CHEK2: variants seen among roughly 807,000 people sequenced by gnomAD.
CHEK2 encodes the protein checkpoint kinase 2.
In CHEK2, 71 loss-of-function variants were observed where a neutral mutation model predicts 69.1. The observed-to-expected ratio is 1.03, with a 90% CI of 0.85 to 1.25. The LOEUF is 1.25. Ranked by LOEUF, CHEK2 falls within the 50% of genes most tolerant of loss-of-function variation. The pLI is 0.00. For missense variants in CHEK2, 664 were observed against 649.6 expected, an observed-to-expected ratio of 1.02 and a Z score of -0.24; for synonymous variants, 189 against 226.9, an observed-to-expected ratio of 0.83 and a Z score of 1.50.
At chr22:28,727,275 T>C (rs954230967) in intron 2 of CHEK2, among the ~76,000 whole-genome samples, 2 of 152,170 alleles carry the variant, frequency 1.3e-5, no homozygotes, top group Non-Finnish European at 2.9e-5. Flanking sequence ...TCTCCTGAAC[T>C]TGTGATCCGC....
At chr22:28,689,013 C>T in intron 14 of CHEK2, 122 bp downstream of exon 14, 1 of 688,590 alleles carries the variant, frequency 1.5e-6, no homozygotes, top group Admixed American at 2.1e-5. Flanking sequence ...AGAGTTTCTA[C>T]TACATTATAA....
At chr22:28,740,884 G>T (rs2054534999) in intron 1 of CHEK2, among the ~76,000 whole-genome samples, 1 of 152,192 alleles carries the variant, frequency 6.6e-6, no homozygotes, top group Admixed American at 6.6e-5. Context: ...GGCCGGGCGC[G>T]GTGGCTCACA....
At chr22:28,698,111 G>A (rs2052662174) in intron 9 of CHEK2, among the ~76,000 whole-genome samples, 1 of 150,920 alleles carries the variant, frequency 6.6e-6, no homozygotes, top group Non-Finnish European at 1.5e-5. Context: ...AGGCTTGTGG[G>A]CGGGCACGGT....
chr22:28,704,161 CA>C (rs1178090086), intron 7 of CHEK2, among the ~76,000 whole-genome samples: 12 of 143,652 alleles, frequency 8.4e-5, no homozygotes, highest in South Asian at 6.8e-4. Context: ...CACACACACA[CA>C]CCTATGGCTG....
In CHEK2 at chr22:28,710,060, C is replaced by T. The variant is rs730881687; in HGVS notation, c.793-1G>A. 8 of 1,551,814 alleles carry T rather than the reference C, an allele frequency of 5.2e-6. No individual in the cohort carries two copies. In the Admixed American group the frequency reaches 6.7e-5, roughly 13 times the overall value. ...CTGTTTCAACATTGAGAGCTGGGTC[C>T]TTTGATAAACAGAATAACAGAGTTT... On this transcript the variant is annotated splice_acceptor_variant, in intron 6 of 14. Coordinates refer to ENST00000404276, the MANE Select transcript of CHEK2 (RefSeq NM_007194.4). LOFTEE classifies it high-confidence loss of function.
At chr22:28,706,126 T>C (rs893001415) in intron 7 of CHEK2, among the ~76,000 whole-genome samples, 3 of 152,040 alleles carry the variant, frequency 2.0e-5, no homozygotes, top group Admixed American at 2.0e-4. Context: ...ACCCTGTCTC[T>C]ACTAAAAATA....
chr22:28,694,086 C>T lies in CHEK2; in HGVS notation c.1407G>A (p.Val469=), dbSNP rs17881378. 497 of 1,595,958 alleles carry T rather than the reference C, an allele frequency of 3.1e-4. 1 individual carries two copies. In the African/African-American group the frequency reaches 5.9e-3, roughly 19 times the overall value. ...CTGTCGTAAAACGTGCCTTTGGATC[C>T]ACTACCAACAACTTCTTGACAAGGT... ...ALDLVKKLLV[V]DPKARFTTEE... is the part of the protein sequence containing the mutation. Residue 469 remains valine, a synonymous_variant, in exon 13 of 15, where the codon GTG becomes GTA. Coordinates refer to ENST00000404276, the MANE Select transcript of CHEK2 (RefSeq NM_007194.4).
intron 2 of CHEK2, chr22:28,726,486 T>C (rs2054016335): frequency 6.8e-6 from 1 of 146,602 alleles, no homozygotes; most frequent in South Asian, 2.1e-4. Flanking sequence ...TTATAAGTTG[T>C]CTTAAATATA....
At chr22:28,738,096 A>T (rs2146183500) in intron 1 of CHEK2, 1 of 152,436 alleles carries the variant, frequency 6.6e-6, no homozygotes, top group South Asian at 2.1e-4. Flanking sequence ...AGTCCCAGCT[A>T]CTTGGGAAGC....
chr22:28,735,408 A>T (rs2054371635), intron 1 of CHEK2, among the ~76,000 whole-genome samples: 1 of 151,894 alleles, frequency 6.6e-6, no homozygotes, highest in South Asian at 2.1e-4. Flanking sequence ...TCCGTTTCAA[A>T]AAAAAAAACT....
intron 1 of CHEK2, among the ~76,000 whole-genome samples, chr22:28,740,421 C>A (rs1569178560): frequency 6.6e-6 from 1 of 152,170 alleles, no homozygotes; most frequent in Non-Finnish European, 1.5e-5. Flanking sequence ...CACTGACACC[C>A]CAGATAAAGC....
intron 13 of CHEK2, among the ~76,000 whole-genome samples, chr22:28,690,815 G>C (rs1471208914): frequency 2.1e-5 from 3 of 146,170 alleles, no homozygotes; most frequent in Non-Finnish European, 4.5e-5. Flanking sequence ...AAAGAAGCAA[G>C]GAAGGAAAAA....
chr22:28,722,076 A>T (rs1454707081), intron 4 of CHEK2, among the ~76,000 whole-genome samples: 1 of 151,968 alleles, frequency 6.6e-6, no homozygotes, highest in Admixed American at 6.6e-5. Flanking sequence ...TGTTTATTTA[A>T]TTTTTTTAAA....
rs1316602016 is a variant in CHEK2, at chr22:28,720,095, T to TTTA, written c.593-611_593-610insTAA. 4.1e-4 allele frequency among the ~76,000 whole-genome samples: 59 copies of TTTA among 142,792 alleles called. 1 individual carries two copies. The allele number at this position is 142,792 out of a possible 152,430, so 93.7% of individuals were successfully genotyped here. On this transcript the variant is annotated intron_variant, in intron 4 of 14. Transcript: ENST00000404276. ...GGGCTGTATCTTAAAAAAAGTAATT[T>TTTA]TTTTTTTTTTTTTTTGAGAGAGTTT... is the stretch of plus-strand genomic sequence containing the variant.
intron 1 of CHEK2, among the ~76,000 whole-genome samples, chr22:28,741,135 A>ACTG (rs2054542954): frequency 7.1e-6 from 1 of 140,754 alleles, no homozygotes; most frequent in African/African-American, 2.7e-5. Context: ...GGCAACAGAG[A>ACTG]GAGACTCCGT....
intron 7 of CHEK2, among the ~76,000 whole-genome samples, chr22:28,708,502 G>A (rs1178556581): frequency 6.6e-6 from 1 of 151,822 alleles, no homozygotes; most frequent in African/African-American, 2.4e-5. Context: ...AGGAAGGTCA[G>A]CCACTCAGGT....
chr22:28,732,945 C>T (rs938524171), intron 2 of CHEK2, among the ~76,000 whole-genome samples: 1 of 152,096 alleles, frequency 6.6e-6, no homozygotes, highest in African/African-American at 2.4e-5. Context: ...ACATGCGCCA[C>T]CACACCTGGC....
intron 1 of CHEK2, among the ~76,000 whole-genome samples, chr22:28,740,347 A>G (rs578243804): frequency 7.9e-5 from 12 of 152,326 alleles, no homozygotes; most frequent in African/African-American, 2.9e-4. Context: ...GCTGTCACTC[A>G]TGATTAACAC....
chr22:28,725,493 T>A, intron 2 of CHEK2, 126 bp from the exon 3 acceptor site: 1 of 1,159,146 alleles, frequency 8.6e-7, no homozygotes, highest in Non-Finnish European at 1.3e-6. Context: ...AATCTGCTTA[T>A]CAAGATTTTA....
Sources: allele counts gnomAD v4.1 joint callset (sites outside exome capture counted in the v4.1 genomes callset), GRCh38; gene constraint gnomAD v4.1.1; transcripts MANE v1.5; gene names NCBI Gene and HGNC (gene_info 2026-07-23, HGNC 2026-07-21).